The following STRADB variants were observed in gnomAD, a reference collection of about 807,000 sequenced individuals.
The protein encoded by STRADB is STE20 related adaptor beta, also known as STE20-related kinase adapter protein beta.
In STRADB, 34 loss-of-function variants were observed where a neutral mutation model predicts 52.1. That is an observed-to-expected ratio of 0.65 (90% CI 0.50 to 0.87). The LOEUF (loss-of-function observed/expected upper bound fraction) is 0.87, where lower values mean the gene tolerates loss of function less well. Ranked by LOEUF, STRADB falls within the 40% of genes least tolerant of loss-of-function variation. STRADB has a pLI of 0.00. For synonymous variants in STRADB, 133 were observed against 174.5 expected (o/e 0.76, Z 1.87); for missense variants, 340 against 483.9 (o/e 0.70, Z 2.79).
At chr2:201,468,080 TTTTTC>T (rs1251102647) in intron 3 of STRADB, among the ~76,000 whole-genome samples, 1 of 97,410 alleles carries the variant, frequency 1.0e-5, no homozygotes, top group Admixed American at 1.3e-4. Context: ...CTGCCTTTTT[TTTTTC>T]TTTTTTTTTT....
chr2:201,469,551 T>C (rs1011652209), intron 3 of STRADB, among the ~76,000 whole-genome samples: 1 of 152,246 alleles, frequency 6.6e-6, no homozygotes, highest in African/African-American at 2.4e-5. Context: ...TAGCAGAGCA[T>C]GTACCTTGTG....
intron 9 of STRADB, 52 bp from the exon 10 acceptor site, chr2:201,478,305 T>C (rs1375583418): frequency 5.0e-6 from 8 of 1,603,292 alleles, no homozygotes; most frequent in African/African-American, 4.0e-5. Context: ...TTGTTGTTAC[T>C]GTTTTAATAT....
At chr2:201,475,888 G>A in intron 7 of STRADB, 146 bp downstream of exon 7, 2 of 810,152 alleles carry the variant, frequency 2.5e-6, no homozygotes, top group South Asian at 1.9e-5. Context: ...ACCATTAGGT[G>A]CAGTGGATTG....
chr2:201,478,471 G>A lies in STRADB; in HGVS notation c.940G>A (p.Glu314Lys). 1 of 1,613,940 alleles carries A rather than the reference G, an allele frequency of 6.2e-7. No individual in the cohort carries two copies. The highest frequency in any genetic ancestry group is 8.5e-7 in the Non-Finnish European group (1 of 1,179,990). Residue 314 changes from glutamate (E) to lysine (K), a missense_variant, in exon 10 of 12, where the codon GAA becomes AAA. Physicochemically the swap from Glu to Lys is moderately conservative, Grantham distance 56 (BLOSUM62 1). Transcript: ENST00000194530. ...GTCAGGTGTAGACTCTGGGATTGGAGAAAGTGTGCTTGTCTCCAGTGGAAC... is the reference window on the plus strand; with the variant it reads ...GTCAGGTGTAGACTCTGGGATTGGAAAAAGTGTGCTTGTCTCCAGTGGAAC... ...SQSGVDSGIGESVLVSSGTHT... is the reference protein window; with the variant it reads ...SQSGVDSGIGKSVLVSSGTHT...
At position 201,480,056 on chromosome 2, in the gene STRADB, A is replaced by G. The variant is rs757576246; in HGVS notation, c.1138A>G (p.Ile380Val). 1.3e-5 allele frequency: 21 copies of G among 1,613,830 alleles called. No individual in the cohort carries two copies. The highest frequency in any genetic ancestry group is 1.7e-5 in the Non-Finnish European group (20 of 1,179,834). ...KQMKEESQDS[I>V]LSLLPPAYNK... ...GATGAAAGAAGAAAGCCAGGATTCA[A>G]TACTTTCACTGTTGCCTCCTGCTTA... Residue 380 changes from isoleucine (I) to valine (V), a missense_variant, in exon 12 of 12, where the codon ATA becomes GTA. By Grantham distance (29) the Ile-to-Val change is conservative. Transcript: ENST00000194530.
intron 4 of STRADB, 117 bp from the exon 5 acceptor site, chr2:201,472,837 CT>C: frequency 2.0e-6 from 2 of 1,016,638 alleles, no homozygotes; most frequent in Non-Finnish European, 2.8e-6. Context: ...AGTAGTGTGC[CT>C]TTTCATTTTC....
intron 2 of STRADB, among the ~76,000 whole-genome samples, 187 bp from the exon 3 acceptor site, chr2:201,458,597 C>G (rs1952163692): frequency 6.6e-6 from 1 of 152,172 alleles, no homozygotes; most frequent in South Asian, 2.1e-4. Flanking sequence ...GCATGCCCAG[C>G]CACTTCTCCC....
At chr2:201,463,161 C>A (rs1952243805) in intron 3 of STRADB, among the ~76,000 whole-genome samples, 1 of 152,052 alleles carries the variant, frequency 6.6e-6, no homozygotes, top group African/African-American at 2.4e-5. Context: ...CATGGTGAAA[C>A]CCCATCTCTA....
intron 3 of STRADB, among the ~76,000 whole-genome samples, chr2:201,466,647 C>T (rs1381921541): frequency 6.6e-6 from 1 of 152,114 alleles, no homozygotes; most frequent in Admixed American, 6.5e-5. Context: ...TGATTTATGT[C>T]TCCTATAACT....
intron 3 of STRADB, among the ~76,000 whole-genome samples, chr2:201,464,213 C>T (rs189135315): frequency 1.1e-4 from 17 of 152,238 alleles, no homozygotes; most frequent in Admixed American, 1.0e-3. Context: ...CTTATTTGTA[C>T]CCATCCTTCT....
intron 7 of STRADB, 113 bp downstream of exon 7, chr2:201,475,855 A>G: frequency 8.3e-7 from 1 of 1,206,054 alleles, no homozygotes. Context: ...GAAACTTGTA[A>G]GTGAAAATTG....
intron 10 of STRADB, 119 bp downstream of exon 10, chr2:201,478,720 GA>G (rs1217598546): frequency 8.5e-7 from 1 of 1,179,512 alleles, no homozygotes; most frequent in Admixed American, 2.8e-5. Context: ...GTCTGCTCTA[GA>G]AAATATCAAT....
intron 3 of STRADB, among the ~76,000 whole-genome samples, chr2:201,465,272 T>C (rs1482879880): frequency 6.6e-6 from 1 of 152,158 alleles, no homozygotes; most frequent in Admixed American, 6.5e-5. Context: ...CTGGATACTG[T>C]TGATGTTTAT....
chr2:201,472,887 G>T, intron 4 of STRADB, 68 bp from the exon 5 acceptor site: 1 of 1,475,462 alleles, frequency 6.8e-7, no homozygotes, highest in Non-Finnish European at 9.0e-7. Context: ...TTTCAATTTT[G>T]ATGATGTCTA....
At chr2:201,466,635 A>C (rs1327608596) in intron 3 of STRADB, among the ~76,000 whole-genome samples, 1 of 152,218 alleles carries the variant, frequency 6.6e-6, no homozygotes, top group Non-Finnish European at 1.5e-5. Flanking sequence ...TGGTTTTCCA[A>C]GTGATTTATG....
chr2:201,474,797 T>C (rs1200963835), intron 6 of STRADB, 42 bp downstream of exon 6: 1 of 1,422,154 alleles, frequency 7.0e-7, no homozygotes, highest in African/African-American at 1.5e-5. Flanking sequence ...AGCCTAGATG[T>C]TATAATTATA....
chr2:201,464,120 TAGA>T (rs1952260032), intron 3 of STRADB, among the ~76,000 whole-genome samples: 1 of 152,182 alleles, frequency 6.6e-6, no homozygotes, highest in Non-Finnish European at 1.5e-5. Context: ...CATGTTTTCC[TAGA>T]TGTTCTTGAT....
Position 201,460,234 on chromosome 2 carries a change from G to T in STRADB, c.93+1370G>T, listed in dbSNP as rs72937199. Among the ~76,000 whole-genome samples, 636 of 151,904 alleles carry T rather than the reference G, an allele frequency of 4.2e-3. 4 individuals are homozygous for T. Among genetic ancestry groups the T allele is most frequent in the Middle Eastern group, 0.01 (3 of 294 alleles). On this transcript the variant is annotated intron_variant, in intron 3 of 11. Coordinates refer to ENST00000194530, the MANE Select transcript of STRADB (RefSeq NM_018571.6). ...TAAAATAGGAAGTAGTATCTGAGGG[G>T]TTTTTTAAAAAAAAATTTGGAGTAC...
intron 3 of STRADB, among the ~76,000 whole-genome samples, chr2:201,469,727 G>A (rs1303882916): frequency 6.6e-6 from 1 of 152,132 alleles, no homozygotes; most frequent in Non-Finnish European, 1.5e-5. Context: ...CTTGCTATCT[G>A]TAAATCTGCT....
Sources: gnomAD v4.1 joint callset for allele counts (sites outside exome capture counted in the v4.1 genomes callset) on GRCh38, gnomAD v4.1.1 for gene constraint, MANE v1.5 for transcripts, NCBI Gene and HGNC (gene_info 2026-07-23, HGNC 2026-07-21) for gene names.